The following ELOVL5 variants were observed in gnomAD, a reference collection of about 807,000 sequenced individuals.
The protein encoded by ELOVL5 is ELOVL fatty acid elongase 5.
A neutral mutation model predicts 38.6 loss-of-function variants in ELOVL5; 8 were observed. That is an observed-to-expected ratio of 0.21 (90% CI 0.12 to 0.37). ELOVL5 has a LOEUF of 0.37. ELOVL5 is among the 10% of genes least tolerant of loss of function. The pLI is 1.00. For synonymous variants in ELOVL5, 127 were observed against 133.7 expected, an observed-to-expected ratio of 0.95 and a Z score of 0.34; for missense variants, 280 against 367.8, an observed-to-expected ratio of 0.76 and a Z score of 1.95.
chr6:53,320,747 A>G (rs1464591473), intron 1 of ELOVL5, among the ~76,000 whole-genome samples: 1 of 152,140 alleles, frequency 6.6e-6, no homozygotes, highest in Non-Finnish European at 1.5e-5. Context: ...ACCCAATCAT[A>G]TATTGAATTG....
chr6:53,328,677 T>C (rs923929870), intron 1 of ELOVL5, among the ~76,000 whole-genome samples: 2 of 152,038 alleles, frequency 1.3e-5, no homozygotes, highest in African/African-American at 2.4e-5. Context: ...AAAAAAGAAA[T>C]CAGCTATTTT....
At chr6:53,329,450 A>G (rs868305129) in intron 1 of ELOVL5, among the ~76,000 whole-genome samples, 5 of 152,230 alleles carry the variant, frequency 3.3e-5, no homozygotes, top group Admixed American at 1.3e-4. Flanking sequence ...TGAGTTTCTC[A>G]GTAACATTTA....
intron 1 of ELOVL5, among the ~76,000 whole-genome samples, chr6:53,312,078 C>T (rs1280377054): frequency 6.6e-6 from 1 of 152,112 alleles, no homozygotes; most frequent in East Asian, 1.9e-4. Flanking sequence ...TTCAAGTATC[C>T]ATCTAGAAGT....
chr6:53,307,556 G>A (rs1040132104), intron 1 of ELOVL5, among the ~76,000 whole-genome samples: 3 of 152,172 alleles, frequency 2.0e-5, no homozygotes, highest in African/African-American at 7.2e-5. Context: ...GAAGAGTTTT[G>A]CTAAGGCATA....
At chr6:53,326,537 G>T (rs1189684126) in intron 1 of ELOVL5, among the ~76,000 whole-genome samples, 4 of 152,050 alleles carry the variant, frequency 2.6e-5, no homozygotes, top group Non-Finnish European at 5.9e-5. Flanking sequence ...CCCAAGCAGG[G>T]AAAGCTCCCT....
intron 1 of ELOVL5, among the ~76,000 whole-genome samples, chr6:53,306,222 G>GAA (rs781032017): frequency 0.083 from 2,039 of 24,538 alleles, 153 homozygotes; most frequent in Admixed American, 0.18. Flanking sequence ...GGAGAGGGGA[G>GAA]AGGGGAGAGG....
chr6:53,272,763 G>A (rs994602870), intron 6 of ELOVL5, among the ~76,000 whole-genome samples: 2 of 152,132 alleles, frequency 1.3e-5, no homozygotes, highest in African/African-American at 2.4e-5. Flanking sequence ...TGGGGGCTGA[G>A]GGGTCATCCA....
At chr6:53,340,445 G>C (rs1769278720) in intron 1 of ELOVL5, among the ~76,000 whole-genome samples, 1 of 152,072 alleles carries the variant, frequency 6.6e-6, no homozygotes, top group African/African-American at 2.4e-5. Flanking sequence ...ATAAAGTCTA[G>C]AGTGTACAGT....
chr6:53,302,908 G>A (rs373592550), intron 1 of ELOVL5, among the ~76,000 whole-genome samples: 3 of 151,702 alleles, frequency 2.0e-5, no homozygotes, highest in Admixed American at 6.6e-5. Context: ...TTTTTTTAAC[G>A]GTTATTGTTC....
intron 1 of ELOVL5, among the ~76,000 whole-genome samples, chr6:53,297,829 C>A (rs1221979937): frequency 1.3e-5 from 2 of 152,068 alleles, no homozygotes; most frequent in African/African-American, 4.8e-5. Context: ...CAATTTTGGT[C>A]CTAAGCCACT....
chr6:53,274,617 T>C (rs988038856), intron 5 of ELOVL5, among the ~76,000 whole-genome samples: 10 of 152,238 alleles, frequency 6.6e-5, no homozygotes, highest in African/African-American at 2.2e-4. Context: ...GTGCTCGTTA[T>C]AGAAGACACC....
chr6:53,344,653 G>A (rs1489534433), intron 1 of ELOVL5, among the ~76,000 whole-genome samples: 2 of 152,126 alleles, frequency 1.3e-5, no homozygotes, highest in African/African-American at 4.8e-5. Flanking sequence ...ATAGAAATAA[G>A]TCCTTGTGAG....
At chr6:53,336,124 A>G (rs925450899) in intron 1 of ELOVL5, among the ~76,000 whole-genome samples, 1 of 152,170 alleles carries the variant, frequency 6.6e-6, no homozygotes, top group South Asian at 2.1e-4. Context: ...ATAATAAACT[A>G]CCTGTTGATT....
intron 1 of ELOVL5, among the ~76,000 whole-genome samples, chr6:53,323,165 A>C (rs942670317): frequency 1.3e-5 from 2 of 152,194 alleles, no homozygotes; most frequent in Admixed American, 1.3e-4. Context: ...AACTGTCAGG[A>C]AAATAGAAAA....
chr6:53,278,324 T>C (rs1229808396), intron 3 of ELOVL5, among the ~76,000 whole-genome samples: 1 of 152,010 alleles, frequency 6.6e-6, no homozygotes, highest in Non-Finnish European at 1.5e-5. Flanking sequence ...GTGGGGAAAA[T>C]CAAGGTAGCT....
chr6:53,289,581 G>A (rs533272193), intron 3 of ELOVL5, among the ~76,000 whole-genome samples: 79 of 152,306 alleles, frequency 5.2e-4, no homozygotes, highest in Middle Eastern at 3.4e-3. Flanking sequence ...TTAGACAGGA[G>A]TGGTGGCACA....
intron 3 of ELOVL5, among the ~76,000 whole-genome samples, chr6:53,288,340 T>C (rs1273862337): frequency 2.6e-5 from 4 of 152,160 alleles, no homozygotes; most frequent in African/African-American, 4.8e-5. Context: ...AGGGCATCGT[T>C]TTACAAAGCT....
chr6:53,338,156 T>C (rs1212808461), intron 1 of ELOVL5, among the ~76,000 whole-genome samples: 4 of 152,172 alleles, frequency 2.6e-5, no homozygotes, highest in Non-Finnish European at 5.9e-5. Context: ...GCAATGAGAT[T>C]TGGTCTTCTG....
intron 2 of ELOVL5, 100 bp from the exon 3 acceptor site, chr6:53,292,063 A>G (rs1329510422): frequency 1.5e-6 from 1 of 665,112 alleles, no homozygotes. Context: ...GTCACCTGGT[A>G]TTCATGTTCT....
Sources: allele counts gnomAD v4.1 joint callset (sites outside exome capture counted in the v4.1 genomes callset), GRCh38; gene constraint gnomAD v4.1.1; transcripts MANE v1.5; gene names NCBI Gene and HGNC (gene_info 2026-07-23, HGNC 2026-07-21).